PDCD11: variants seen among roughly 807,000 people sequenced by gnomAD.
PDCD11 encodes protein RRP5 homolog.
A neutral mutation model predicts 198.9 loss-of-function variants in PDCD11; 97 were observed. That is an observed-to-expected ratio of 0.49 (90% CI 0.41 to 0.58). The LOEUF is 0.58. PDCD11 is among the 20% of genes least tolerant of loss of function. The probability of loss-of-function intolerance (pLI) is 0.00; values close to 1 mark genes in which losing one functional copy is unlikely to be tolerated. For missense variants in PDCD11, 2,102 were observed against 2,312.7 expected (o/e 0.91, Z 1.87); for synonymous variants, 893 against 918.0 (o/e 0.97, Z 0.49).
At chr10:103,409,665 A>C in intron 7 of PDCD11, 34 bp from the exon 8 acceptor site, 1 of 1,516,838 alleles carries the variant, frequency 6.6e-7, no homozygotes. Context: ...CTTTCAAAGA[A>C]CTTTTTTTTA....
chr10:103,432,023 G>A (rs1209441870), intron 21 of PDCD11, 106 bp from the exon 22 acceptor site: 1 of 789,522 alleles, frequency 1.3e-6, no homozygotes, highest in Non-Finnish European at 2.2e-6. Flanking sequence ...AGTATGAGTA[G>A]GGGAGTCCCG....
chr10:103,427,383 T>C lies in PDCD11; in HGVS notation c.3360T>C (p.Val1120=). 2 of 1,611,710 alleles carry C rather than the reference T, an allele frequency of 1.2e-6. No homozygotes were observed. Among genetic ancestry groups the C allele is most frequent in the Non-Finnish European group, 1.7e-6 (2 of 1,178,812 alleles). Residue 1120 remains valine (V), a synonymous_variant, in exon 21 of 36, where the codon GTT becomes GTC. Transcript: ENST00000369797. ...RFVRTIPELS[V]RPSELEDGHT... ...TTCGAACCATCCCGGAGCTGAGTGTTCGGCCAAGGTGAGGGGGACATTAGC... is the reference window on the plus strand; with the variant it reads ...TTCGAACCATCCCGGAGCTGAGTGTCCGGCCAAGGTGAGGGGGACATTAGC...
rs534600093 is a variant in PDCD11 at position 103,431,162 on chromosome 10, T to C, written c.3369-967T>C. Among the ~76,000 whole-genome samples, 6 of 152,340 alleles carry C rather than the reference T, an allele frequency of 3.9e-5. No homozygotes were observed. The East Asian group carries it at 1.2e-3, about 29-fold the overall frequency. On this transcript the variant is annotated intron_variant, in intron 21 of 35. Coordinates refer to ENST00000369797, the MANE Select transcript of PDCD11 (RefSeq NM_014976.2). ...TTTACAAATTTACTAACATTACTTG[T>C]ACCAGTTTGGTTCATTTGGGCTTAG...
chr10:103,399,819 C>G (rs1264017851), intron 2 of PDCD11: 1 of 152,108 alleles, frequency 6.6e-6, no homozygotes, highest in East Asian at 1.9e-4. Context: ...TCCCGAGTAC[C>G]TGGGACTATA....
chr10:103,400,495 C>A lies in PDCD11; in HGVS notation c.201C>A (p.Ser67=). Residue 67 remains serine, a synonymous_variant, in exon 3 of 36, where the codon TCC becomes TCA. Coordinates refer to ENST00000369797, the MANE Select transcript of PDCD11 (RefSeq NM_014976.2). ...TCGAAAAGAGAGAAAGCAGCAAGTC[C>A]GCAAGAGAGAAGTTTGAAATCCTTA... is the stretch of plus-strand genomic sequence containing the variant. ...LKIEKRESSK[S]AREKFEILSV... is the part of the protein sequence containing the mutation. The A allele has an allele frequency of 6.2e-7, 1 of 1,613,786 alleles. No homozygotes were observed. Among genetic ancestry groups the A allele is most frequent in the Non-Finnish European group, 8.5e-7 (1 of 1,179,850 alleles).
chr10:103,398,334 C>T, intron 1 of PDCD11, 82 bp from the exon 2 acceptor site: 1 of 831,360 alleles, frequency 1.2e-6, no homozygotes, highest in Non-Finnish European at 2.1e-6. Context: ...CTGGAACGTT[C>T]TGTCTCTTGC....
intron 27 of PDCD11, among the ~76,000 whole-genome samples, chr10:103,439,218 T>C (rs765496411): frequency 6.6e-6 from 1 of 152,138 alleles, no homozygotes; most frequent in Non-Finnish European, 1.5e-5. Flanking sequence ...AGCATGAGCC[T>C]GTAGTCCCAG....
At chr10:103,416,876 C>T in intron 13 of PDCD11, 134 bp downstream of exon 13, 1 of 988,520 alleles carries the variant, frequency 1.0e-6, no homozygotes, top group Non-Finnish European at 1.5e-6. Context: ...TGTGAGCCGG[C>T]TAAATGGAGG....
chr10:103,427,245 G>A, intron 20 of PDCD11, 84 bp from the exon 21 acceptor site: 1 of 1,227,486 alleles, frequency 8.1e-7, no homozygotes, highest in Non-Finnish European at 1.2e-6. Context: ...GCTTGGTTTG[G>A]TGGAGAGTAG....
intron 10 of PDCD11, 89 bp from the exon 11 acceptor site, chr10:103,414,181 T>G (rs2030970703): frequency 3.2e-6 from 5 of 1,581,752 alleles, no homozygotes; most frequent in Admixed American, 3.4e-5. Context: ...GGAAGGGTTT[T>G]CTTTCTTGCC....
intron 24 of PDCD11, 110 bp from the exon 25 acceptor site, chr10:103,434,688 T>C (rs2032076663): frequency 4.8e-6 from 4 of 835,308 alleles, no homozygotes; most frequent in East Asian, 2.7e-5. Flanking sequence ...TCAGCCCAGA[T>C]ACCCCAAGTC....
At chr10:103,407,305 A>G (rs1438521725) in intron 7 of PDCD11, among the ~76,000 whole-genome samples, 2 of 152,044 alleles carry the variant, frequency 1.3e-5, no homozygotes, top group Non-Finnish European at 2.9e-5. Flanking sequence ...AAAAATATAT[A>G]TATTTTCCTA....
At position 103,438,626 on chromosome 10, in the gene PDCD11, T is replaced by TG; in HGVS notation, c.3903-55dup. The TG allele has an allele frequency of 1.9e-6, 3 of 1,606,614 alleles. No homozygotes were observed. The Admixed American group carries it at 5.0e-5, about 27-fold the overall frequency. ...CTAAGTATGATGGTTGCAGGTGTAT[T>TG]GGGGGTGGCATGGGACAGTGGAGGT... On this transcript the variant is annotated intron_variant, in intron 26 of 35. Coordinates refer to ENST00000369797, the MANE Select transcript of PDCD11 (RefSeq NM_014976.2).
In PDCD11 at chr10:103,413,289, T is replaced by G; in HGVS notation, c.1152T>G (p.Phe384Leu). 6.2e-7 allele frequency: 1 copy of G among 1,614,210 alleles called. No homozygotes were observed. Among genetic ancestry groups the G allele is most frequent in the Non-Finnish European group, 8.5e-7 (1 of 1,180,026 alleles). Reference sequence around the variant, plus strand: ...TTTTCAAAAAGGCTGGGGCCACCTTTAGGCTGAAGGATGGGGTTCTGGCCT... The same window carrying G: ...TTTTCAAAAAGGCTGGGGCCACCTTGAGGCTGAAGGATGGGGTTCTGGCCT... ...QGFFKKAGAT[F>L]RLKDGVLAYA... The change falls in exon 9 of 36, where the codon TTT becomes TTG. Residue 384 changes from phenylalanine to leucine, a missense_variant. By Grantham distance (22) the Phe-to-Leu change is conservative. Coordinates refer to ENST00000369797, the MANE Select transcript of PDCD11 (RefSeq NM_014976.2).
intron 8 of PDCD11, among the ~76,000 whole-genome samples, chr10:103,412,494 G>A (rs2133693980): frequency 6.6e-6 from 1 of 152,190 alleles, no homozygotes; most frequent in South Asian, 2.1e-4. Context: ...CTAATTTTTT[G>A]TATTTTTAGT....
At position 103,443,058 on chromosome 10, in the gene PDCD11, A is replaced by T; in HGVS notation, c.4956-107A>T. 4.2e-6 allele frequency: 4 copies of T among 953,796 alleles called. No individual in the cohort carries two copies. In the South Asian group the frequency reaches 7.5e-5, roughly 18 times the overall value. The allele number at this position is 953,796 out of a possible 1,614,324, so 59.1% of individuals were successfully genotyped here. A position where few individuals can be genotyped will look rare whatever the true frequency, so the allele number is the denominator to read the frequency against. On this transcript the variant is annotated intron_variant, in intron 32 of 35. Transcript: ENST00000369797. ...TCTACATTTGGGGTGGGATCTGAGG[A>T]CACAGATAGAGGCTGGGAGGGGGAG... is the stretch of plus-strand genomic sequence containing the variant.
chr10:103,407,044 T>G (rs1052294271), intron 7 of PDCD11, among the ~76,000 whole-genome samples: 1 of 152,340 alleles, frequency 6.6e-6, no homozygotes, highest in African/African-American at 2.4e-5. Flanking sequence ...TTAAAATTAC[T>G]TGTGTGACTG....
At chr10:103,434,539 AGTTACCTTTACCTATACAG>A in intron 24 of PDCD11, 189 bp downstream of exon 24, 1 of 601,854 alleles carries the variant, frequency 1.7e-6, no homozygotes, top group East Asian at 2.8e-5. Context: ...CTGCTCTCTG[AGTTACCTTTACCTATACAG>A]GTTACCCTTA....
At chr10:103,408,104 T>A (rs1232293975) in intron 7 of PDCD11, among the ~76,000 whole-genome samples, 1 of 152,218 alleles carries the variant, frequency 6.6e-6, no homozygotes, top group Non-Finnish European at 1.5e-5. Flanking sequence ...CCTATCAGTA[T>A]TTTTTCCTAT....
Sources: gnomAD v4.1 joint callset for allele counts (sites outside exome capture counted in the v4.1 genomes callset) on GRCh38, gnomAD v4.1.1 for gene constraint, MANE v1.5 for transcripts, NCBI Gene and HGNC (gene_info 2026-07-23, HGNC 2026-07-21) for gene names.